The following CNTNAP5 variants were observed in gnomAD, a reference collection of about 807,000 sequenced individuals.
CNTNAP5 encodes the protein contactin-associated protein-like 5.
Under a neutral mutation model 150.2 loss-of-function variants are expected in CNTNAP5, and 72 were observed. The ratio of observed to expected loss-of-function variants is 0.48; its 90% CI spans 0.40 to 0.58. The LOEUF is 0.58. Ranked by LOEUF, CNTNAP5 falls within the 20% of genes least tolerant of loss-of-function variation. CNTNAP5 has a pLI of 0.00. For missense variants in CNTNAP5, 1,636 were observed against 1,626.2 expected (o/e 1.01, Z -0.10); for synonymous variants, 672 against 619.8 (o/e 1.08, Z -1.25).
At chr2:124,512,314 T>G (rs6722877) in intron 8 of CNTNAP5, among the ~76,000 whole-genome samples, 128,938 of 151,648 alleles carry the variant, frequency 0.85, 54,974 homozygotes, top group East Asian at 1. Flanking sequence ...GGATTTTCAG[T>G]ATTAAAGAGT....
intron 21 of CNTNAP5, among the ~76,000 whole-genome samples, chr2:124,886,990 A>G (rs913920675): frequency 5.9e-5 from 9 of 152,012 alleles, no homozygotes; most frequent in African/African-American, 1.9e-4. Context: ...GGATACTCTT[A>G]ATCTTTTTCC....
At chr2:124,640,893 G>A (rs1358614763) in intron 12 of CNTNAP5, among the ~76,000 whole-genome samples, 2 of 151,994 alleles carry the variant, frequency 1.3e-5, no homozygotes, top group Non-Finnish European at 2.9e-5. Flanking sequence ...TTGGGAGACC[G>A]AGGCAGGAGG....
At chr2:124,621,380 C>T (rs1677611839) in intron 12 of CNTNAP5, among the ~76,000 whole-genome samples, 1 of 152,156 alleles carries the variant, frequency 6.6e-6, no homozygotes, top group Non-Finnish European at 1.5e-5. Flanking sequence ...TAAAGCGAAA[C>T]TTATTTTCCA....
intron 7 of CNTNAP5, among the ~76,000 whole-genome samples, chr2:124,489,545 G>A (rs1573408775): frequency 6.6e-6 from 1 of 152,154 alleles, no homozygotes; most frequent in South Asian, 2.1e-4. Flanking sequence ...CATGAATTTA[G>A]AGGAAACACA....
At chr2:124,587,688 G>A (rs1039393988) in intron 11 of CNTNAP5, among the ~76,000 whole-genome samples, 6 of 152,234 alleles carry the variant, frequency 3.9e-5, no homozygotes, top group South Asian at 2.1e-4. Context: ...AGAAGGCCAC[G>A]TCTTTATAAA....
chr2:124,050,537 G>A (rs536264339), intron 1 of CNTNAP5, among the ~76,000 whole-genome samples: 61 of 152,070 alleles, frequency 4.0e-4, no homozygotes, highest in Admixed American at 7.9e-4. Flanking sequence ...AAGGAAGGTC[G>A]GGATAAGGGG....
At chr2:124,180,005 G>T (rs1685172206) in intron 1 of CNTNAP5, among the ~76,000 whole-genome samples, 1 of 151,794 alleles carries the variant, frequency 6.6e-6, no homozygotes. Context: ...AGGTAATTTG[G>T]GTAATTCCAC....
intron 7 of CNTNAP5, among the ~76,000 whole-genome samples, chr2:124,500,246 C>T (rs1019295063): frequency 8.6e-5 from 13 of 152,032 alleles, no homozygotes; most frequent in African/African-American, 2.4e-5. Context: ...ATGGCACAGT[C>T]GAGCTGACCA....
chr2:124,428,061 T>C (rs1008991907), intron 4 of CNTNAP5, among the ~76,000 whole-genome samples: 2 of 152,180 alleles, frequency 1.3e-5, no homozygotes, highest in African/African-American at 2.4e-5. Context: ...TGATTCCTGA[T>C]AGATCCTAGA....
At chr2:124,245,328 G>A (rs896010278) in intron 3 of CNTNAP5, among the ~76,000 whole-genome samples, 1 of 152,034 alleles carries the variant, frequency 6.6e-6, no homozygotes, top group African/African-American at 2.4e-5. Flanking sequence ...ATCAGATTAC[G>A]CTGCTGGATT....
rs1175350984 is a variant in CNTNAP5, at chr2:124,420,093, T to A, written c.529+2503T>A. 2.7e-5 allele frequency among the ~76,000 whole-genome samples: 4 copies of A among 148,852 alleles called. No individual in the cohort carries two copies. In the East Asian group the frequency reaches 8.0e-4, roughly 30 times the overall value. On this transcript the variant is annotated intron_variant, in intron 4 of 23. Coordinates refer to ENST00000682447, the MANE Select transcript of CNTNAP5 (RefSeq NM_001367498.1). Reference sequence around the variant, plus strand: ...GCAACCTCCGCCTCCTGAGTTCAAGTGATTCTGCTGCCTCACCCTCCTAAG... The same window carrying A: ...GCAACCTCCGCCTCCTGAGTTCAAGAGATTCTGCTGCCTCACCCTCCTAAG...
intron 1 of CNTNAP5, among the ~76,000 whole-genome samples, chr2:124,103,514 T>C (rs1044912360): frequency 1.3e-5 from 2 of 152,210 alleles, no homozygotes; most frequent in African/African-American, 4.8e-5. Context: ...GTACCATTTT[T>C]TATTTTATGC....
Position 124,345,796 on chromosome 2 carries a change from C to T in CNTNAP5, c.382-71647C>T, listed in dbSNP as rs1025590983. Among the ~76,000 whole-genome samples, 5 of 152,228 alleles carry T rather than the reference C, an allele frequency of 3.3e-5. No homozygotes were observed. The South Asian group carries it at 1.0e-3, about 32-fold the overall frequency. On this transcript the variant is annotated intron_variant, in intron 3 of 23. Transcript: ENST00000682447. ...TTCTTCCCATATTCAGCAAAATTATCCGTTCCTCTATTATTCCCACCCTTC... is the reference window on the plus strand; with the variant it reads ...TTCTTCCCATATTCAGCAAAATTATTCGTTCCTCTATTATTCCCACCCTTC...
At chr2:124,143,867 T>A (rs11887514) in intron 1 of CNTNAP5, among the ~76,000 whole-genome samples, 1 of 39,180 alleles carries the variant, frequency 2.6e-5, no homozygotes, top group Non-Finnish European at 4.9e-5. Flanking sequence ...TGTTTGCAGA[T>A]GACATGATTG....
At chr2:124,520,173 C>G (rs1694819865) in intron 8 of CNTNAP5, among the ~76,000 whole-genome samples, 2 of 152,128 alleles carry the variant, frequency 1.3e-5, no homozygotes, top group South Asian at 4.1e-4. Flanking sequence ...ATCAAGATAT[C>G]AGTAGCATTC....
At chr2:124,500,330 G>A (rs567293628) in intron 7 of CNTNAP5, among the ~76,000 whole-genome samples, 14 of 152,260 alleles carry the variant, frequency 9.2e-5, no homozygotes, top group African/African-American at 2.9e-4. Flanking sequence ...AGAAGATAAC[G>A]GGGGCTACTA....
chr2:124,305,822 A>G (rs1325109308), intron 3 of CNTNAP5, among the ~76,000 whole-genome samples: 2 of 152,232 alleles, frequency 1.3e-5, no homozygotes, highest in Admixed American at 1.3e-4. Flanking sequence ...ATTGTGAGAT[A>G]TAAATTTCTT....
chr2:124,135,638 C>A (rs2104608646), intron 1 of CNTNAP5, among the ~76,000 whole-genome samples: 1 of 152,328 alleles, frequency 6.6e-6, no homozygotes, highest in East Asian at 1.9e-4. Context: ...ATAAGCTTGT[C>A]TCATCCTCTA....
At chr2:124,571,532 T>TCTTTTTCTCTTTTTTTTCTTTTTTC (rs1553480869) in intron 11 of CNTNAP5, among the ~76,000 whole-genome samples, 4 of 92,688 alleles carry the variant, frequency 4.3e-5, no homozygotes, top group African/African-American at 8.4e-5. Context: ...TTTTTCTTTT[T>TCTTTTTCTCTTTTTTTTCTTTTTTC]TTTTTTTTTT....
Sources: allele counts gnomAD v4.1 joint callset (sites outside exome capture counted in the v4.1 genomes callset), GRCh38; gene constraint gnomAD v4.1.1; transcripts MANE v1.5; gene names NCBI Gene and HGNC (gene_info 2026-07-23, HGNC 2026-07-21).